Variants in TSPAN13 observed in about 807,000 individuals in gnomAD.
TSPAN13 encodes the protein tetraspanin 13.
TSPAN13 carries 18 observed loss-of-function variants against 26.9 expected under a neutral mutation model. The observed-to-expected ratio is 0.67, with a 90% CI of 0.46 to 0.99. The LOEUF (loss-of-function observed/expected upper bound fraction) is 0.99. Among genes scored for constraint, TSPAN13 ranks in the 50% least tolerant of loss-of-function variants. The pLI, the probability that TSPAN13 is intolerant of heterozygous loss-of-function variation, is 0.00. For missense variants in TSPAN13, 201 were observed against 249.6 expected, an observed-to-expected ratio of 0.81 and a Z score of 1.31; for synonymous variants, 116 against 98.4, an observed-to-expected ratio of 1.18 and a Z score of -1.06.
chr7:16,783,053 T>C (rs985675787), intron 5 of TSPAN13, among the ~76,000 whole-genome samples: 3 of 152,162 alleles, frequency 2.0e-5, no homozygotes, highest in African/African-American at 7.2e-5. Flanking sequence ...GCCTCCGTCA[T>C]ATGTGTCCCC....
chr7:16,763,301 T>C (rs2115324862), intron 1 of TSPAN13, among the ~76,000 whole-genome samples: 1 of 152,276 alleles, frequency 6.6e-6, no homozygotes, highest in South Asian at 2.1e-4. Context: ...ATGGTGAAGG[T>C]AAATAGGATC....
chr7:16,776,173 T>A, intron 1 of TSPAN13, 38 bp from the exon 2 acceptor site: 1 of 1,603,538 alleles, frequency 6.2e-7, no homozygotes, highest in South Asian at 1.1e-5. Flanking sequence ...CTCTCCTCTC[T>A]CTCGTCCTCT....
chr7:16,775,851 T>C (rs1449664531), intron 1 of TSPAN13: 1 of 175,064 alleles, frequency 5.7e-6, no homozygotes, highest in Admixed American at 6.0e-5. Context: ...GAGATCAATA[T>C]GTTGGACCGA....
chr7:16,779,235 G>C, intron 5 of TSPAN13, 119 bp downstream of exon 5: 1 of 681,034 alleles, frequency 1.5e-6, no homozygotes, highest in Non-Finnish European at 2.4e-6. Context: ...ACTGTAAAAA[G>C]AGGAAACTTG....
intron 1 of TSPAN13, among the ~76,000 whole-genome samples, chr7:16,764,686 A>G (rs1454389596): frequency 6.6e-6 from 1 of 152,186 alleles, no homozygotes; most frequent in Admixed American, 6.5e-5. Context: ...TGCTATTCAC[A>G]TACCTGTTGA....
chr7:16,777,284 G>A (rs1179037615), intron 3 of TSPAN13, among the ~76,000 whole-genome samples, 162 bp downstream of exon 3: 1 of 152,220 alleles, frequency 6.6e-6, no homozygotes, highest in East Asian at 1.9e-4. Context: ...AGTGCAGCAG[G>A]TTGGAGCCGG....
At chr7:16,780,680 C>T (rs1003999059) in intron 5 of TSPAN13, among the ~76,000 whole-genome samples, 4 of 152,146 alleles carry the variant, frequency 2.6e-5, no homozygotes, top group African/African-American at 9.7e-5. Context: ...AGAATTTTGC[C>T]ACGTGGCTTC....
At position 16,762,755 on chromosome 7, in the gene TSPAN13, A is replaced by C. The variant is rs537150878; in HGVS notation, c.63+8725A>C. Among the ~76,000 whole-genome samples the C allele has an allele frequency of 4.3e-4, 65 of 152,244 alleles. No individual in the cohort carries two copies. In the South Asian group the frequency reaches 0.013, roughly 30 times the overall value. ...CAGTCTCCATCTGCTTTCCTGCCCA[A>C]CTATCCTTGGCATGCCACCAAATTA... On this transcript the variant is annotated intron_variant, in intron 1 of 5. Transcript: ENST00000262067.
intron 1 of TSPAN13, among the ~76,000 whole-genome samples, chr7:16,755,971 C>A (rs550389039): frequency 3.9e-5 from 6 of 152,200 alleles, no homozygotes; most frequent in Middle Eastern, 3.4e-3. Flanking sequence ...ATTCACGGGA[C>A]AATAAAAATG....
intron 1 of TSPAN13, among the ~76,000 whole-genome samples, chr7:16,768,055 G>A (rs1289464049): frequency 6.6e-6 from 1 of 152,102 alleles, no homozygotes; most frequent in Admixed American, 6.5e-5. Flanking sequence ...TGGGATTACA[G>A]GCGGGTGCCA....
rs532822744 is a variant in TSPAN13 at position 16,762,516 on chromosome 7, G to A, written c.63+8486G>A. Among the ~76,000 whole-genome samples, 35 of 152,218 alleles carry A rather than the reference G, an allele frequency of 2.3e-4. No homozygotes were observed. In the East Asian group the frequency reaches 5.8e-3, roughly 25 times the overall value. On this transcript the variant is annotated intron_variant, in intron 1 of 5. Coordinates refer to ENST00000262067, the MANE Select transcript of TSPAN13 (RefSeq NM_014399.4). ...AGCCTGGGAGTATGGACTTTTTCTCGAGATCAGAAACAAAGGACAGCCAGC... is the reference window on the plus strand; with the variant it reads ...AGCCTGGGAGTATGGACTTTTTCTCAAGATCAGAAACAAAGGACAGCCAGC...
intron 1 of TSPAN13, among the ~76,000 whole-genome samples, chr7:16,773,428 C>G (rs1784705417): frequency 6.6e-6 from 1 of 151,708 alleles, no homozygotes; most frequent in Non-Finnish European, 1.5e-5. Flanking sequence ...TATTGGAACA[C>G]AGCCCTGCCT....
intron 2 of TSPAN13, among the ~76,000 whole-genome samples, chr7:16,776,665 A>G (rs1056255203): frequency 2.0e-5 from 3 of 152,128 alleles, no homozygotes; most frequent in Non-Finnish European, 4.4e-5. Context: ...GGTGACTTCT[A>G]GGCCCTTTTT....
intron 1 of TSPAN13, among the ~76,000 whole-genome samples, chr7:16,767,101 G>T (rs2115327803): frequency 6.6e-6 from 1 of 152,190 alleles, no homozygotes; most frequent in African/African-American, 2.4e-5. Flanking sequence ...GCACACCACT[G>T]AACCCAGCTA....
intron 1 of TSPAN13, among the ~76,000 whole-genome samples, chr7:16,770,315 C>G (rs1784659682): frequency 6.6e-6 from 1 of 152,024 alleles, no homozygotes. Flanking sequence ...AAGTGATTCT[C>G]CTGCTTCAGC....
chr7:16,759,296 G>A (rs1784515981), intron 1 of TSPAN13, among the ~76,000 whole-genome samples: 1 of 152,154 alleles, frequency 6.6e-6, no homozygotes, highest in Non-Finnish European at 1.5e-5. Flanking sequence ...GCATAGTGCT[G>A]GCATCTACTT....
chr7:16,774,299 A>G (rs967319364), intron 1 of TSPAN13, among the ~76,000 whole-genome samples: 4 of 152,068 alleles, frequency 2.6e-5, no homozygotes, highest in Non-Finnish European at 5.9e-5. Flanking sequence ...TGTATTTCCT[A>G]TTGGTTCTGT....
chr7:16,778,204 G>A (rs566637236), intron 4 of TSPAN13, among the ~76,000 whole-genome samples: 3 of 152,212 alleles, frequency 2.0e-5, no homozygotes, highest in East Asian at 3.9e-4. Flanking sequence ...ATAATAGTAC[G>A]TCAGTTCATG....
At chr7:16,761,621 G>T (rs555611003) in intron 1 of TSPAN13, among the ~76,000 whole-genome samples, 1 of 151,606 alleles carries the variant, frequency 6.6e-6, no homozygotes, top group Non-Finnish European at 1.5e-5. Context: ...GGGCCCAAGC[G>T]ATCCTCTCAC....
Sources: allele counts gnomAD v4.1 joint callset (sites outside exome capture counted in the v4.1 genomes callset), GRCh38; gene constraint gnomAD v4.1.1; transcripts MANE v1.5; gene names NCBI Gene and HGNC (gene_info 2026-07-23, HGNC 2026-07-21).